The following KATNIP variants were observed in gnomAD, a reference collection of about 807,000 sequenced individuals.
KATNIP encodes katanin interacting protein, also known as katanin-interacting protein.
KATNIP carries 126 observed loss-of-function variants against 174.0 expected under a neutral mutation model. That is an observed-to-expected ratio of 0.72 (90% CI 0.63 to 0.84). KATNIP has a LOEUF of 0.84. KATNIP is among the 40% of genes least tolerant of loss of function. The probability of loss-of-function intolerance (pLI) is 0.00; values close to 1 mark genes in which losing one functional copy is unlikely to be tolerated. For missense variants in KATNIP, 1,958 were observed against 2,109.7 expected, an observed-to-expected ratio of 0.93 and a Z score of 1.41; for synonymous variants, 810 against 835.7, an observed-to-expected ratio of 0.97 and a Z score of 0.53.
intron 8 of KATNIP, among the ~76,000 whole-genome samples, chr16:27,697,691 T>C (rs2078962913): frequency 6.6e-6 from 1 of 152,088 alleles, no homozygotes; most frequent in Non-Finnish European, 1.5e-5. Flanking sequence ...AATTAAATTA[T>C]ATAACTGCAG....
chr16:27,584,265 T>C (rs1441212944), intron 2 of KATNIP, among the ~76,000 whole-genome samples: 3 of 152,160 alleles, frequency 2.0e-5, no homozygotes, highest in East Asian at 1.9e-4. Context: ...AGGCTAACTC[T>C]TCAGCCACGG....
In KATNIP at chr16:27,778,800, G is replaced by A; in HGVS notation, c.*171G>A. 1 of 567,454 alleles carries A rather than the reference G, an allele frequency of 1.8e-6. No homozygotes were observed. The highest frequency in any genetic ancestry group is 3.1e-5 in the East Asian group (1 of 32,242). The allele number at this position is 567,454 out of a possible 1,614,324, so 35.2% of individuals were successfully genotyped here. A position where few individuals can be genotyped will look rare whatever the true frequency, so the allele number is the denominator to read the frequency against. ...GAGGACAGCCCTGGATACTACCAGA[G>A]TGACAGATGGCTGTGGCTGCAGGGC... On this transcript the variant is annotated 3_prime_UTR_variant, in exon 28 of 28. Coordinates refer to ENST00000261588, the MANE Select transcript of KATNIP (RefSeq NM_015202.5).
At chr16:27,639,738 T>G (rs142262421) in intron 5 of KATNIP, among the ~76,000 whole-genome samples, 197 of 152,324 alleles carry the variant, frequency 1.3e-3, no homozygotes, top group Non-Finnish European at 2.2e-3. Flanking sequence ...CTTGTTATCT[T>G]CCTTCTGAGT....
intron 20 of KATNIP, among the ~76,000 whole-genome samples, chr16:27,767,154 G>A (rs2082154218): frequency 6.6e-6 from 1 of 152,052 alleles, no homozygotes; most frequent in Non-Finnish European, 1.5e-5. Flanking sequence ...GCCACCGAAA[G>A]GTAGCAATTC....
rs558289135 is a variant in KATNIP, at chr16:27,556,758, T to C, written c.7+6581T>C. Among the ~76,000 whole-genome samples the C allele has an allele frequency of 4.6e-5, 7 of 152,298 alleles. No homozygotes were observed. In the South Asian group the frequency reaches 1.4e-3, roughly 32 times the overall value. ...GGCTTCTTGGTGATTTGTCTGTTTC[T>C]CTTACTACTTAAACCCAGCAAAAAA... On this transcript the variant is annotated intron_variant, in intron 1 of 27. Transcript: ENST00000261588.
intron 15 of KATNIP, among the ~76,000 whole-genome samples, chr16:27,746,536 T>G (rs2081301414): frequency 6.6e-6 from 1 of 152,128 alleles, no homozygotes; most frequent in Non-Finnish European, 1.5e-5. Flanking sequence ...GGCTGCACAA[T>G]TGTGGTGCCA....
At chr16:27,613,976 A>G (rs2075970846) in intron 2 of KATNIP, among the ~76,000 whole-genome samples, 1 of 152,066 alleles carries the variant, frequency 6.6e-6, no homozygotes, top group Non-Finnish European at 1.5e-5. Flanking sequence ...CAGTGCAGTG[A>G]CACAATCATA....
At chr16:27,680,379 C>T (rs1201887378) in intron 7 of KATNIP, among the ~76,000 whole-genome samples, 2 of 152,108 alleles carry the variant, frequency 1.3e-5, no homozygotes, top group Admixed American at 6.5e-5. Context: ...GTGACTGAGT[C>T]TCCACCCTGG....
At chr16:27,552,091 A>G (rs1315281428) in intron 1 of KATNIP, among the ~76,000 whole-genome samples, 2 of 152,222 alleles carry the variant, frequency 1.3e-5, no homozygotes. Context: ...TAATATTTTT[A>G]ATGGAAAACA....
At chr16:27,778,300 G>T (rs910557356) in intron 27 of KATNIP, among the ~76,000 whole-genome samples, 4 of 152,252 alleles carry the variant, frequency 2.6e-5, no homozygotes, top group Admixed American at 1.3e-4. Context: ...GATGCCCAAG[G>T]TGAGGGCTTC....
chr16:27,754,909 G>C (rs1161050444), intron 18 of KATNIP: 1 of 152,308 alleles, frequency 6.6e-6, no homozygotes, highest in Non-Finnish European at 1.5e-5. Context: ...GCAAATCCCA[G>C]GGGTTTTCTG....
At chr16:27,767,760 C>T (rs924251706) in intron 20 of KATNIP, among the ~76,000 whole-genome samples, 1 of 152,168 alleles carries the variant, frequency 6.6e-6, no homozygotes, top group Non-Finnish European at 1.5e-5. Flanking sequence ...ACAGCAGGAT[C>T]GGCAGCCCCT....
At chr16:27,562,692 C>T (rs1204990175) in intron 1 of KATNIP, among the ~76,000 whole-genome samples, 1 of 152,136 alleles carries the variant, frequency 6.6e-6, no homozygotes, top group Non-Finnish European at 1.5e-5. Context: ...GGTTTAGGAG[C>T]TTGTCTGATG....
chr16:27,592,320 G>A (rs1460781879), intron 2 of KATNIP, among the ~76,000 whole-genome samples: 1 of 58,236 alleles, frequency 1.7e-5, no homozygotes, highest in Non-Finnish European at 3.2e-5. Context: ...TTTTACTCTT[G>A]TTGCCCAGGC....
intron 5 of KATNIP, among the ~76,000 whole-genome samples, chr16:27,639,523 T>C (rs1043300688): frequency 2.0e-5 from 3 of 152,206 alleles, no homozygotes; most frequent in African/African-American, 7.2e-5. Context: ...AGCATTAAAT[T>C]GCTAGTGAAG....
chr16:27,611,686 C>T (rs137984698), intron 2 of KATNIP, among the ~76,000 whole-genome samples: 1 of 152,222 alleles, frequency 6.6e-6, no homozygotes, highest in African/African-American at 2.4e-5. Flanking sequence ...ATATAGCAGC[C>T]CTGTGAGGTA....
intron 8 of KATNIP, among the ~76,000 whole-genome samples, chr16:27,688,029 G>A (rs1296665798): frequency 6.6e-6 from 1 of 152,222 alleles, no homozygotes; most frequent in Non-Finnish European, 1.5e-5. Flanking sequence ...GTGGGATCCT[G>A]GTGCTCAGAT....
At chr16:27,643,377 T>C (rs1316608973) in intron 5 of KATNIP, 1 of 152,164 alleles carries the variant, frequency 6.6e-6, no homozygotes, top group Non-Finnish European at 1.5e-5. Context: ...GATCACCTGA[T>C]GTCAGGAGTT....
At chr16:27,674,555 G>A (rs1174680256) in intron 6 of KATNIP, among the ~76,000 whole-genome samples, 1 of 152,070 alleles carries the variant, frequency 6.6e-6, no homozygotes, top group African/African-American at 2.4e-5. Flanking sequence ...CCATTCTTAC[G>A]TATTCTCTAT....
Sources: allele counts gnomAD v4.1 joint callset (sites outside exome capture counted in the v4.1 genomes callset), GRCh38; gene constraint gnomAD v4.1.1; transcripts MANE v1.5; gene names NCBI Gene and HGNC (gene_info 2026-07-23, HGNC 2026-07-21).